HSPA4: variants seen among roughly 807,000 people sequenced by gnomAD.
HSPA4 encodes heat shock 70 kDa protein 4.
HSPA4 carries 25 observed loss-of-function variants against 106.2 expected under a neutral mutation model. The ratio of observed to expected loss-of-function variants is 0.24; its 90% CI spans 0.17 to 0.33. HSPA4 has a LOEUF of 0.33. HSPA4 is among the 10% of genes least tolerant of loss of function. The pLI, the probability that HSPA4 is intolerant of heterozygous loss-of-function variation, is 1.00. For synonymous variants in HSPA4, 332 were observed against 333.6 expected (o/e 1.00, Z 0.05); for missense variants, 841 against 996.0 (o/e 0.84, Z 2.10).
chr5:133,059,903 C>T (rs1765217312), intron 1 of HSPA4, among the ~76,000 whole-genome samples: 1 of 152,166 alleles, frequency 6.6e-6, no homozygotes, highest in South Asian at 2.1e-4. Context: ...GGGATGTAGA[C>T]TGCAAGATTT....
intron 13 of HSPA4, among the ~76,000 whole-genome samples, chr5:133,095,843 C>G (rs779187243): frequency 3.9e-5 from 6 of 152,120 alleles, no homozygotes; most frequent in Non-Finnish European, 7.3e-5. Context: ...CATTAAATAA[C>G]TTTCCATTAT....
chr5:133,102,899 C>T (rs1765805558), intron 17 of HSPA4, among the ~76,000 whole-genome samples: 1 of 118,526 alleles, frequency 8.4e-6, no homozygotes, highest in Admixed American at 8.1e-5. Flanking sequence ...ACCACCACAC[C>T]CAACTAGGGT....
intron 1 of HSPA4, among the ~76,000 whole-genome samples, chr5:133,057,555 T>G (rs1444288934): frequency 6.6e-6 from 1 of 152,176 alleles, no homozygotes; most frequent in African/African-American, 2.4e-5. Flanking sequence ...AAACTATACC[T>G]TTTAAAGGAC....
chr5:133,073,967 T>A lies in HSPA4; in HGVS notation c.530-26T>A, dbSNP rs756793287. 7 of 1,523,618 alleles carry A rather than the reference T, an allele frequency of 4.6e-6. No individual in the cohort carries two copies. In the South Asian group the frequency reaches 7.6e-5, roughly 16 times the overall value. The allele number at this position is 1,523,618 out of a possible 1,614,324, so 94.4% of individuals were successfully genotyped here. A position where few individuals can be genotyped will look rare whatever the true frequency, so the allele number is the denominator to read the frequency against. ...ATTTTATTTACTTAGACGTTATTTT[T>A]AATTTTTGTGTTTTTTCTTCTGTAG... On this transcript the variant is annotated intron_variant, in intron 5 of 18. Transcript: ENST00000304858.
intron 18 of HSPA4, 57 bp downstream of exon 18, chr5:133,104,083 C>A (rs534043883): frequency 2.0e-6 from 3 of 1,478,968 alleles, no homozygotes; most frequent in Admixed American, 1.8e-5. Context: ...ATTAATAGTC[C>A]TCAAGTGACA....
chr5:133,085,489 T>TTAAA (rs1554089513), intron 7 of HSPA4, among the ~76,000 whole-genome samples: 2 of 110,288 alleles, frequency 1.8e-5, no homozygotes, highest in African/African-American at 1.0e-4. Flanking sequence ...CCATCTCTAC[T>TTAAA]AAAAAAAAAA....
intron 2 of HSPA4, 92 bp from the exon 3 acceptor site, chr5:133,067,325 A>T (rs1019791769): frequency 1.2e-4 from 132 of 1,115,848 alleles, no homozygotes; most frequent in Non-Finnish European, 1.6e-4. Context: ...GACTCTATAT[A>T]AAGTTAAAAT....
At chr5:133,061,936 C>T (rs576809030) in intron 1 of HSPA4, among the ~76,000 whole-genome samples, 3 of 152,120 alleles carry the variant, frequency 2.0e-5, no homozygotes, top group East Asian at 3.9e-4. Context: ...GCCCGGTAAA[C>T]GATTACTTTT....
chr5:133,101,083 G>A (rs1465200505), intron 16 of HSPA4, among the ~76,000 whole-genome samples: 3 of 152,178 alleles, frequency 2.0e-5, no homozygotes, highest in African/African-American at 7.2e-5. Context: ...TGGGATTACA[G>A]GCATGAGCCA....
At chr5:133,073,153 A>G (rs1168196458) in intron 4 of HSPA4, 77 bp from the exon 5 acceptor site, 11 of 818,586 alleles carry the variant, frequency 1.3e-5, no homozygotes, top group Non-Finnish European at 2.2e-5. Flanking sequence ...TGCTGTAGGT[A>G]TTTGATGGTG....
In HSPA4 at chr5:133,073,305, C is replaced by T. The variant is rs753525823; in HGVS notation, c.505C>T (p.Arg169Ter). The change falls in exon 5 of 19, where the codon CGA becomes TGA. Residue 169 changes from arginine to a stop codon, truncating the protein, a stop_gained. Transcript: ENST00000304858. LOFTEE classifies it high-confidence loss of function. ...ACAGATTGCTGGTCTTAATTGCTTG[C>T]GATTAATGAATGAAACCACTGCAGG... ...ATQIAGLNCL[R>*]LMNETTAVAL... is the part of the protein sequence containing the mutation. 2 of 1,608,970 alleles carry T rather than the reference C, an allele frequency of 1.2e-6. No homozygotes were observed. The highest frequency in any genetic ancestry group is 1.3e-5 in the African/African-American group (1 of 74,678).
At chr5:133,071,906 A>T (rs1051675272) in intron 4 of HSPA4, among the ~76,000 whole-genome samples, 1 of 152,162 alleles carries the variant, frequency 6.6e-6, no homozygotes, top group Non-Finnish European at 1.5e-5. Context: ...CCAGTGGCTG[A>T]TACACCAGAT....
At chr5:133,082,992 G>A (rs762952253) in intron 7 of HSPA4, among the ~76,000 whole-genome samples, 31 of 151,716 alleles carry the variant, frequency 2.0e-4, no homozygotes, top group Admixed American at 1.1e-3. Context: ...AAAATTAGCC[G>A]GGTGTAGTGG....
At chr5:133,084,880 T>A (rs1157459864) in intron 7 of HSPA4, among the ~76,000 whole-genome samples, 2 of 152,122 alleles carry the variant, frequency 1.3e-5, no homozygotes, top group Non-Finnish European at 2.9e-5. Context: ...TGATCATGGC[T>A]CACTGTAGCT....
chr5:133,060,432 G>A (rs970067576), intron 1 of HSPA4, among the ~76,000 whole-genome samples: 6 of 151,698 alleles, frequency 4.0e-5, no homozygotes, highest in Non-Finnish European at 7.4e-5. Context: ...GTGCAATCTC[G>A]GCTCACTACA....
In HSPA4 at chr5:133,092,903, C is replaced by T. The variant is rs2126713079; in HGVS notation, c.1650+114C>T. On this transcript the variant is annotated intron_variant, in intron 13 of 18. Transcript: ENST00000304858. ...TGACATGATCTCGGCTCGCTGCATC[C>T]TCCACCTCCTGGGTTCAAGTGATTC... 7 of 620,162 alleles carry T rather than the reference C, an allele frequency of 1.1e-5. No individual in the cohort carries two copies. In the East Asian group the frequency reaches 1.5e-4, roughly 13 times the overall value. The allele number at this position is 620,162 out of a possible 1,614,324, so 38.4% of individuals were successfully genotyped here. A position where few individuals can be genotyped will look rare whatever the true frequency, so the allele number is the denominator to read the frequency against.
chr5:133,091,431 T>C, intron 12 of HSPA4, 57 bp downstream of exon 12: 2 of 1,376,718 alleles, frequency 1.5e-6, no homozygotes, highest in Admixed American at 2.1e-5. Context: ...GTCTAGAAAT[T>C]GTAGCAAGCA....
rs747421228 is a variant in HSPA4 at position 133,052,280 on chromosome 5, C to A, written c.30C>A (p.Phe10Leu). MSVVGIDLG[F>L]QSCYVAVARA... The stretch of plus-strand genomic sequence containing the variant: ...CGGTGGTGGGCATAGACCTGGGCTT[C>A]CAGAGCTGCTACGTCGCTGTGGCCC... The change falls in exon 1 of 19, where the codon TTC (phenylalanine) becomes TTA (leucine). Residue 10 changes from phenylalanine (F) to leucine (L), a missense_variant. Around this residue, in one of 5 missense-constraint regions of HSPA4, gnomAD observed 347 missense variants for 408.7 expected, o/e 0.85. Transcript: ENST00000304858. The A allele has an allele frequency of 6.3e-7, 1 of 1,597,424 alleles. No homozygotes were observed. The highest frequency in any genetic ancestry group is 2.3e-5 in the East Asian group (1 of 44,260).
Position 133,078,744 on chromosome 5 carries a change from A to AT in HSPA4, c.908+1853dup, listed in dbSNP as rs1401454987. Among the ~76,000 whole-genome samples the AT allele has an allele frequency of 1.2e-4, 17 of 146,942 alleles. 1 individual carries two copies. The highest frequency in any genetic ancestry group is 1.2e-3 in the Admixed American group (17 of 14,766). On this transcript the variant is annotated intron_variant, in intron 7 of 18. Transcript: ENST00000304858. ...ATTTAGTGTGATTATTGTTGTTGTT[A>AT]TTTTTTTGAGACAGGATCTTACTCT...
Sources: gnomAD v4.1 joint callset for allele counts (sites outside exome capture counted in the v4.1 genomes callset) on GRCh38, gnomAD v4.1.1 for gene constraint, gnomAD v4.1.1 regional missense constraint, MANE v1.5 for transcripts, NCBI Gene and HGNC (gene_info 2026-07-23, HGNC 2026-07-21) for gene names.